Variants in FRMD4A observed in about 807,000 individuals in gnomAD.
FRMD4A encodes the protein FERM domain-containing protein 4A.
A neutral mutation model predicts 129.1 loss-of-function variants in FRMD4A; 29 were observed. The observed-to-expected ratio is 0.22, with a 90% CI of 0.17 to 0.31. The LOEUF is 0.31. FRMD4A is among the 10% of genes least tolerant of loss of function. FRMD4A has a pLI of 1.00. For missense variants in FRMD4A, 1,272 were observed against 1,375.8 expected (o/e 0.92, Z 1.19); for synonymous variants, 634 against 571.6 (o/e 1.11, Z -1.56).
rs12414315 is a variant in FRMD4A at position 13,859,115 on chromosome 10, C to T, written c.46-203G>A. Among the ~76,000 whole-genome samples the T allele has an allele frequency of 9.3e-3, 1,414 of 152,232 alleles. 55 individuals are homozygous for T. Among genetic ancestry groups the T allele is most frequent in the Admixed American group, 0.06 (916 of 15,282 alleles). On this transcript the variant is annotated intron_variant, in intron 2 of 24. Transcript: ENST00000357447. The stretch of plus-strand genomic sequence containing the variant: ...TATTGAGGCCGGGCGCGGTGGCTCA[C>T]GCCTGTAATCCCAGTACTTTAGGAG...
rs2081083454 is a variant in FRMD4A at position 13,645,794 on chromosome 10, C to G, written c.*1244G>C. On this transcript the variant is annotated 3_prime_UTR_variant, in exon 25 of 25. Coordinates refer to ENST00000357447, the MANE Select transcript of FRMD4A (RefSeq NM_018027.5). The stretch of plus-strand genomic sequence containing the variant: ...TCTGAGCTCTTTTGTCACACAAGTG[C>G]TAACGAACAGAAAATGAGCCACGAC... 6.6e-6 allele frequency: 1 copy of G among 152,628 alleles called. No homozygotes were observed. The highest frequency in any genetic ancestry group is 1.5e-5 in the Non-Finnish European group (1 of 68,042). The allele number at this position is 152,628 out of a possible 1,614,324, so 9.5% of individuals were successfully genotyped here.
chr10:14,194,975 C>G (rs1842431947), intron 2 of FRMD4A, among the ~76,000 whole-genome samples: 1 of 152,150 alleles, frequency 6.6e-6, no homozygotes, highest in African/African-American at 2.4e-5. Context: ...AGAAGTGCCC[C>G]TATTTCATTT....
At chr10:13,774,618 C>T (rs1248042870) in intron 6 of FRMD4A, among the ~76,000 whole-genome samples, 3 of 152,174 alleles carry the variant, frequency 2.0e-5, no homozygotes, top group Non-Finnish European at 4.4e-5. Flanking sequence ...TACCAAGACA[C>T]TGATATTCGG....
At chr10:14,244,787 G>T (rs1272026905) in intron 2 of FRMD4A, among the ~76,000 whole-genome samples, 1 of 152,104 alleles carries the variant, frequency 6.6e-6, no homozygotes, top group African/African-American at 2.4e-5. Context: ...ATACAAATTC[G>T]TCTGACTCCA....
In FRMD4A at chr10:13,796,604, A is replaced by G. The variant is rs3740121; in HGVS notation, c.207-16T>C. The G allele has an allele frequency of 0.52, 733,305 of 1,409,744 alleles. 199,227 individuals carry two copies. Among genetic ancestry groups the G allele is most frequent in the Non-Finnish European group, 0.55 (548,326 of 993,414 alleles). 87.3% of individuals were successfully genotyped at this position (1,409,744 alleles called of 1,614,324 possible). ...TAAGTGTCCCCTGAAGAAAATAGAG[A>G]CAAATTGGTTAGGGGTTTGCATTTT... On this transcript the variant is annotated splice_polypyrimidine_tract_variant and intron_variant, in intron 4 of 24. Transcript: ENST00000357447.
At chr10:14,103,791 T>C (rs1261937341) in intron 2 of FRMD4A, among the ~76,000 whole-genome samples, 1 of 152,216 alleles carries the variant, frequency 6.6e-6, no homozygotes, top group African/African-American at 2.4e-5. Context: ...GGAAGGTCAC[T>C]GAGATGTTTT....
intron 2 of FRMD4A, among the ~76,000 whole-genome samples, chr10:14,037,393 T>C (rs1185170015): frequency 6.6e-6 from 1 of 152,184 alleles, no homozygotes. Flanking sequence ...AATTTTTGTA[T>C]TTTTAGTAGA....
intron 14 of FRMD4A, among the ~76,000 whole-genome samples, chr10:13,694,658 G>A (rs751774828): frequency 6.6e-6 from 1 of 152,174 alleles, no homozygotes; most frequent in Admixed American, 6.5e-5. Flanking sequence ...TCTCCAGCTT[G>A]GGCATCATAG....
At chr10:13,685,474 T>C in intron 15 of FRMD4A, 13 of 985,066 alleles carry the variant, frequency 1.3e-5, no homozygotes, top group Non-Finnish European at 1.6e-5. Flanking sequence ...TTTCTTAGGC[T>C]GTGAAATGAG....
At chr10:13,774,466 A>C (rs1056687136) in intron 6 of FRMD4A, among the ~76,000 whole-genome samples, 1 of 152,252 alleles carries the variant, frequency 6.6e-6, no homozygotes, top group African/African-American at 2.4e-5. Flanking sequence ...GTGGACCGGA[A>C]GTGCAGGAAT....
intron 2 of FRMD4A, among the ~76,000 whole-genome samples, chr10:14,195,174 C>T (rs1249464573): frequency 1.3e-5 from 2 of 152,142 alleles, no homozygotes; most frequent in Non-Finnish European, 2.9e-5. Flanking sequence ...TTGGCATTCC[C>T]TTTTATGTAG....
intron 13 of FRMD4A, among the ~76,000 whole-genome samples, chr10:13,703,541 G>C (rs1433206683): frequency 6.6e-6 from 1 of 152,128 alleles, no homozygotes; most frequent in Non-Finnish European, 1.5e-5. Flanking sequence ...ACCGTATCTG[G>C]CGTTGCCCAT....
chr10:13,753,280 C>T (rs915373228), intron 8 of FRMD4A, among the ~76,000 whole-genome samples: 3 of 152,194 alleles, frequency 2.0e-5, no homozygotes, highest in Non-Finnish European at 2.9e-5. Context: ...CGCCCAATCA[C>T]ATGCTTTTTT....
At chr10:14,071,409 G>A (rs117818734) in intron 2 of FRMD4A, among the ~76,000 whole-genome samples, 2 of 152,126 alleles carry the variant, frequency 1.3e-5, no homozygotes, top group African/African-American at 4.8e-5. Context: ...AAGATAAACC[G>A]TATGCCCATG....
intron 3 of FRMD4A, among the ~76,000 whole-genome samples, chr10:13,816,782 C>T (rs550224376): frequency 2.0e-5 from 3 of 152,298 alleles, no homozygotes; most frequent in Admixed American, 6.5e-5. Context: ...AGGGATCGGA[C>T]TGGGAGCAAG....
chr10:14,010,701 G>A (rs12571195), intron 2 of FRMD4A, among the ~76,000 whole-genome samples: 20,935 of 127,486 alleles, frequency 0.16, 2,043 homozygotes, highest in East Asian at 0.4. Flanking sequence ...ATAGAGACAG[G>A]GTCTCACTAT....
intron 2 of FRMD4A, among the ~76,000 whole-genome samples, chr10:13,924,059 C>T (rs1036065100): frequency 5.9e-5 from 9 of 152,298 alleles, no homozygotes; most frequent in East Asian, 1.9e-4. Context: ...AATTCAGCTG[C>T]GCATCTAAAG....
At chr10:13,959,694 C>A (rs1324867731) in intron 2 of FRMD4A, among the ~76,000 whole-genome samples, 4 of 152,028 alleles carry the variant, frequency 2.6e-5, no homozygotes, top group Non-Finnish European at 4.4e-5. Context: ...GAAAATGAGG[C>A]CACTCCAAGC....
At chr10:13,843,987 T>C (rs374987289) in intron 3 of FRMD4A, among the ~76,000 whole-genome samples, 2 of 152,314 alleles carry the variant, frequency 1.3e-5, no homozygotes, top group East Asian at 3.9e-4. Context: ...AATTTTTTTC[T>C]TGCTCATGAA....
Sources: allele counts gnomAD v4.1 joint callset (sites outside exome capture counted in the v4.1 genomes callset), GRCh38; gene constraint gnomAD v4.1.1; transcripts MANE v1.5; gene names NCBI Gene and HGNC (gene_info 2026-07-23, HGNC 2026-07-21).